GASK1A: variants seen among roughly 807,000 people sequenced by gnomAD.
The protein encoded by GASK1A is golgi associated kinase 1A.
GASK1A carries 40 observed loss-of-function variants against 41.2 expected under a neutral mutation model. That is an observed-to-expected ratio of 0.97 (90% CI 0.75 to 1.27). The LOEUF (loss-of-function observed/expected upper bound fraction) is 1.27, where lower values mean the gene tolerates loss of function less well. Among genes scored for constraint, GASK1A ranks in the 50% most tolerant of loss-of-function variants. The pLI is 0.00. For missense variants in GASK1A, 678 were observed against 745.1 expected (o/e 0.91, Z 1.05); for synonymous variants, 316 against 307.1 (o/e 1.03, Z -0.30).
chr3:43,050,213 A>G (rs2089682637), intron 2 of GASK1A, among the ~76,000 whole-genome samples: 1 of 152,152 alleles, frequency 6.6e-6, no homozygotes, highest in African/African-American at 2.4e-5. Context: ...AAGCCTGCTG[A>G]CAATAAACTC....
chr3:43,030,820 G>A (rs542904814), intron 1 of GASK1A, among the ~76,000 whole-genome samples: 27 of 152,160 alleles, frequency 1.8e-4, no homozygotes, highest in South Asian at 4.2e-4. Context: ...GATATGGCTC[G>A]GGTGGATTGT....
intron 2 of GASK1A, among the ~76,000 whole-genome samples, chr3:43,042,273 A>T (rs1317772597): frequency 6.6e-6 from 1 of 150,482 alleles, no homozygotes; most frequent in Non-Finnish European, 1.5e-5. Context: ...GCTCAAGACC[A>T]GCCTGGGCAA....
intron 2 of GASK1A, among the ~76,000 whole-genome samples, chr3:43,048,406 G>C (rs2089673717): frequency 6.6e-6 from 1 of 152,178 alleles, no homozygotes; most frequent in Non-Finnish European, 1.5e-5. Context: ...CTAGGTTTGA[G>C]TTCCCCAAAA....
intron 1 of GASK1A, among the ~76,000 whole-genome samples, chr3:43,004,034 G>A (rs1344691766): frequency 6.6e-6 from 1 of 152,074 alleles, no homozygotes; most frequent in East Asian, 1.9e-4. Context: ...CGTTGTTTTG[G>A]TAACATTTAC....
At chr3:42,993,287 C>A (rs2089351220) in intron 1 of GASK1A, among the ~76,000 whole-genome samples, 1 of 152,200 alleles carries the variant, frequency 6.6e-6, no homozygotes, top group Non-Finnish European at 1.5e-5. Context: ...GTTGGCAGGA[C>A]CTGTGACTTT....
rs528163473 is a variant in GASK1A at position 42,984,373 on chromosome 3, C to T, written c.3+4728C>T. Among the ~76,000 whole-genome samples the T allele has an allele frequency of 2.0e-5, 3 of 152,256 alleles. No individual in the cohort carries two copies. The East Asian group carries it at 5.8e-4, about 29-fold the overall frequency. On this transcript the variant is annotated intron_variant, in intron 1 of 4. Coordinates refer to ENST00000430121, the MANE Select transcript of GASK1A (RefSeq NM_001129908.3). This position sits in a 1 kb window ranked among gnomAD's most constrained non-coding sequence, Gnocchi z 4.2. ...CACACATCACACATATACTCATACA[C>T]ACACATGTGCACGCACACACACACT... is the stretch of plus-strand genomic sequence containing the variant.
chr3:43,002,628 G>A (rs2089414956), intron 1 of GASK1A, among the ~76,000 whole-genome samples: 1 of 152,006 alleles, frequency 6.6e-6, no homozygotes, highest in African/African-American at 2.4e-5. Context: ...ATACACATTG[G>A]ATATCAAAGA....
At chr3:43,055,341 C>A in intron 3 of GASK1A, 91 bp from the exon 4 acceptor site, 2 of 846,278 alleles carry the variant, frequency 2.4e-6, no homozygotes, top group Non-Finnish European at 3.8e-6. Flanking sequence ...CAGCTCAGGG[C>A]TGTCAGCCCC....
intron 1 of GASK1A, among the ~76,000 whole-genome samples, chr3:42,990,753 C>T (rs943738921): frequency 1.3e-5 from 2 of 152,076 alleles, no homozygotes; most frequent in Non-Finnish European, 2.9e-5. Context: ...GTTCTGTGTT[C>T]CAGGCATGTT....
chr3:43,041,297 C>A (rs2089635905), intron 2 of GASK1A, among the ~76,000 whole-genome samples: 1 of 152,138 alleles, frequency 6.6e-6, no homozygotes, highest in Non-Finnish European at 1.5e-5. Flanking sequence ...GAGGAATCGT[C>A]ACACTGACTT....
At chr3:43,010,867 A>G (rs2089459879) in intron 1 of GASK1A, among the ~76,000 whole-genome samples, 1 of 152,336 alleles carries the variant, frequency 6.6e-6, no homozygotes, top group African/African-American at 2.4e-5. Flanking sequence ...CCATGGACAC[A>G]TGGATGGCTC....
chr3:43,027,511 G>T lies in GASK1A; in HGVS notation c.4-4756G>T, dbSNP rs554268204. Among the ~76,000 whole-genome samples, 33 of 152,154 alleles carry T rather than the reference G, an allele frequency of 2.2e-4. 1 individual carries two copies. In the South Asian group the frequency reaches 6.6e-3, roughly 31 times the overall value. ...ATGTAAACACATTTAATTGTACAAA[G>T]ATAAACATTTAAAAAGATAATACTA... On this transcript the variant is annotated intron_variant, in intron 1 of 4. Coordinates refer to ENST00000430121, the MANE Select transcript of GASK1A (RefSeq NM_001129908.3).
rs1410342242 is a variant in GASK1A at position 42,984,289 on chromosome 3, A to G, written c.3+4644A>G. Among the ~76,000 whole-genome samples the G allele has an allele frequency of 8.2e-6, 1 of 121,242 alleles. No individual in the cohort carries two copies. Among genetic ancestry groups the G allele is most frequent in the African/African-American group, 2.8e-5 (1 of 35,484 alleles). The allele number at this position is 121,242 out of a possible 152,430, so 79.5% of individuals were successfully genotyped here. A position where few individuals can be genotyped will look rare whatever the true frequency, so the allele number is the denominator to read the frequency against. On this transcript the variant is annotated intron_variant, in intron 1 of 4. Transcript: ENST00000430121. This position sits in a 1 kb window ranked among gnomAD's most constrained non-coding sequence, Gnocchi z 4.2. The stretch of plus-strand genomic sequence containing the variant: ...GGCCGCCCTTCTTTATGTGGATTTC[A>G]CTTCCTATCTCTCTCTCTCTCTCTT...
intron 1 of GASK1A, among the ~76,000 whole-genome samples, chr3:43,022,642 A>G (rs1230695793): frequency 2.0e-5 from 3 of 152,216 alleles, no homozygotes; most frequent in African/African-American, 7.2e-5. Context: ...TAGGAATTAT[A>G]TAATTCTCAT....
At chr3:43,053,428 A>G in intron 2 of GASK1A, 93 bp from the exon 3 acceptor site, 1 of 1,391,768 alleles carries the variant, frequency 7.2e-7, no homozygotes, top group Non-Finnish European at 9.6e-7. Flanking sequence ...CCCCAGGGTC[A>G]TGTAGGAAAC....
intron 1 of GASK1A, among the ~76,000 whole-genome samples, chr3:43,011,003 A>G (rs2089460646): frequency 6.6e-6 from 1 of 152,188 alleles, no homozygotes; most frequent in African/African-American, 2.4e-5. Flanking sequence ...ACCCACCAAC[A>G]AATCCATTAA....
chr3:42,998,971 C>CT (rs34061339), intron 1 of GASK1A, among the ~76,000 whole-genome samples: 28 of 147,698 alleles, frequency 1.9e-4, no homozygotes, highest in South Asian at 8.6e-4. Context: ...GGCTTTTGGA[C>CT]TTTTTTTTTT....
At chr3:42,997,044 T>C (rs1049864919) in intron 1 of GASK1A, among the ~76,000 whole-genome samples, 4 of 152,236 alleles carry the variant, frequency 2.6e-5, no homozygotes, top group African/African-American at 9.6e-5. Flanking sequence ...GGCCGAGCAG[T>C]TTCAGAGCTG....
In GASK1A at chr3:42,984,800, G is replaced by A. The variant is rs2089300378; in HGVS notation, c.3+5155G>A. 6.6e-6 allele frequency among the ~76,000 whole-genome samples: 1 copy of A among 152,218 alleles called. No individual in the cohort carries two copies. Among genetic ancestry groups the A allele is most frequent in the African/African-American group, 2.4e-5 (1 of 41,458 alleles). ...GAATACTTGGCATGAATGGCATGCA[G>A]GGGAGTGAGCAAGCAGGTGGGGGTC... On this transcript the variant is annotated intron_variant, in intron 1 of 4. Coordinates refer to ENST00000430121, the MANE Select transcript of GASK1A (RefSeq NM_001129908.3). The surrounding 1 kb of genome is among the most constrained non-coding windows in gnomAD (Gnocchi z 4.2).
Sources: allele counts gnomAD v4.1 joint callset (sites outside exome capture counted in the v4.1 genomes callset), GRCh38; gene constraint gnomAD v4.1.1; non-coding constraint Gnocchi (gnomAD v3.1); transcripts MANE v1.5; gene names NCBI Gene and HGNC (gene_info 2026-07-23, HGNC 2026-07-21).